Variants in PHC3 observed in about 807,000 individuals in gnomAD.
The protein encoded by PHC3 is polyhomeotic-like protein 3.
PHC3 carries 13 observed loss-of-function variants against 107.4 expected under a neutral mutation model. That is an observed-to-expected ratio of 0.12 (90% CI 0.08 to 0.19). The LOEUF (loss-of-function observed/expected upper bound fraction) is 0.19, where lower values mean the gene tolerates loss of function less well. Ranked by LOEUF, PHC3 falls within the 10% of genes least tolerant of loss-of-function variation. PHC3 has a pLI of 1.00. For missense variants in PHC3, 992 were observed against 1,210.9 expected, an observed-to-expected ratio of 0.82 and a Z score of 2.68; for synonymous variants, 456 against 427.4, an observed-to-expected ratio of 1.07 and a Z score of -0.83.
At chr3:170,124,161 T>A (rs1720895386) in intron 8 of PHC3, among the ~76,000 whole-genome samples, 1 of 151,930 alleles carries the variant, frequency 6.6e-6, no homozygotes, top group African/African-American at 2.4e-5. Flanking sequence ...ACCTTATTAT[T>A]AATGTTTCCA....
In PHC3 at chr3:170,135,111, C is replaced by T. The variant is rs117240506; in HGVS notation, c.919+1308G>A. ...AAAGGACAGAAAAAAGATGCTTACC[C>T]GATGAGGTTGCTGGAACAAAGGAAG... On this transcript the variant is annotated intron_variant, in intron 7 of 14. Transcript: ENST00000495893. 4.0e-3 allele frequency among the ~76,000 whole-genome samples: 602 copies of T among 152,202 alleles called. 21 individuals are homozygous for T. In the East Asian group the frequency reaches 0.098, roughly 25 times the overall value.
chr3:170,099,268 T>C (rs188488135), intron 14 of PHC3, among the ~76,000 whole-genome samples: 20 of 152,182 alleles, frequency 1.3e-4, no homozygotes, highest in African/African-American at 3.1e-4. Context: ...CAAAATAATA[T>C]AGAACAAAAA....
At chr3:170,150,521 C>A (rs1725731496) in intron 4 of PHC3, 1 of 114,454 alleles carries the variant, frequency 8.7e-6, no homozygotes, top group Non-Finnish European at 1.7e-5. Context: ...TGGTGAAACC[C>A]TGTCTCTACT....
At chr3:170,176,016 A>G (rs190987962) in intron 2 of PHC3, among the ~76,000 whole-genome samples, 1 of 152,036 alleles carries the variant, frequency 6.6e-6, no homozygotes, top group East Asian at 1.9e-4. Flanking sequence ...TCACAAGGTC[A>G]GGAGTTTGAG....
At chr3:170,130,229 T>G (rs1321765877) in intron 7 of PHC3, among the ~76,000 whole-genome samples, 2 of 152,166 alleles carry the variant, frequency 1.3e-5, no homozygotes, top group African/African-American at 4.8e-5. Flanking sequence ...ATAGAACAAG[T>G]ATAACATATA....
intron 4 of PHC3, among the ~76,000 whole-genome samples, chr3:170,166,141 T>C (rs562361109): frequency 6.6e-6 from 1 of 151,974 alleles, no homozygotes; most frequent in African/African-American, 2.4e-5. Context: ...GCCTCCTGGG[T>C]TCAAGTGATT....
At chr3:170,138,498 T>C (rs1160120938) in intron 6 of PHC3, among the ~76,000 whole-genome samples, 1 of 152,054 alleles carries the variant, frequency 6.6e-6, no homozygotes, top group African/African-American at 2.4e-5. Context: ...GAGAGCAGCC[T>C]GGCCTATTTG....
At chr3:170,145,624 A>G (rs1413601139) in intron 5 of PHC3, 103 bp from the exon 6 acceptor site, 6 of 709,904 alleles carry the variant, frequency 8.5e-6, no homozygotes, top group Non-Finnish European at 1.4e-5. Context: ...CAGAAAGACA[A>G]TGCAGTTTAG....
rs371840050 is a variant in PHC3, at chr3:170,153,762, C to CAAA, written c.415-4521_415-4519dup. Among the ~76,000 whole-genome samples, 132 of 108,734 alleles carry CAAA rather than the reference C, an allele frequency of 1.2e-3. 1 individual carries two copies. The highest frequency in any genetic ancestry group is 4.0e-3 in the African/African-American group (110 of 27,506). 71.3% of individuals were successfully genotyped at this position (108,734 alleles called of 152,430 possible). On this transcript the variant is annotated intron_variant, in intron 4 of 14. Transcript: ENST00000495893. ...TGGGTGACAGAGAGAGACTCCGTCT[C>CAAA]AAAAAAAAAAAAAAAAGAATCTTCT...
chr3:170,176,963 T>TA (rs530647711), intron 2 of PHC3: 86 of 449,822 alleles, frequency 1.9e-4, no homozygotes, highest in South Asian at 1.4e-3. Flanking sequence ...CAAAGTATAA[T>TA]AGAGTGGAAG....
chr3:170,112,970 C>T (rs926792663), intron 11 of PHC3, among the ~76,000 whole-genome samples: 2 of 152,026 alleles, frequency 1.3e-5, no homozygotes, highest in African/African-American at 2.4e-5. Flanking sequence ...AAGTCTGAAA[C>T]GAAACAACCC....
chr3:170,120,879 A>G (rs1195287556), intron 9 of PHC3, among the ~76,000 whole-genome samples: 1 of 152,148 alleles, frequency 6.6e-6, no homozygotes, highest in South Asian at 2.1e-4. Context: ...CATGAGGGCA[A>G]TAAGATATTC....
intron 7 of PHC3, among the ~76,000 whole-genome samples, chr3:170,132,004 A>T (rs1722331298): frequency 6.6e-6 from 1 of 152,198 alleles, no homozygotes; most frequent in Non-Finnish European, 1.5e-5. Flanking sequence ...AGACCAATTG[A>T]TAAGCACATA....
chr3:170,172,761 T>C (rs1243285562), intron 2 of PHC3, 49 bp from the exon 3 acceptor site: 2 of 1,541,266 alleles, frequency 1.3e-6, no homozygotes, highest in African/African-American at 1.4e-5. Flanking sequence ...TCAACCTTTA[T>C]CTTAATCAGA....
At chr3:170,129,689 A>C in intron 7 of PHC3, 137 bp from the exon 8 acceptor site, 1 of 991,414 alleles carries the variant, frequency 1.0e-6, no homozygotes, top group South Asian at 1.8e-5. Flanking sequence ...AACAAGAGTA[A>C]TTTGAAAAAA....
intron 9 of PHC3, among the ~76,000 whole-genome samples, chr3:170,119,830 T>TAA (rs577407226): frequency 0.015 from 2,111 of 144,502 alleles, 41 homozygotes; most frequent in African/African-American, 0.046. Context: ...TGAGTTACTG[T>TAA]AAAAAAAAAA....
At position 170,129,520 on chromosome 3, in the gene PHC3, T is replaced by C. The variant is rs1359508099; in HGVS notation, c.952A>G (p.Ile318Val). 3 of 1,613,626 alleles carry C rather than the reference T, an allele frequency of 1.9e-6. No homozygotes were observed. Among genetic ancestry groups the C allele is most frequent in the Middle Eastern group, 1.6e-4 (1 of 6,082 alleles). Residue 318 changes from isoleucine (I) to valine (V), a missense_variant, in exon 8 of 15, where the codon ATA becomes GTA. By Grantham distance (29) the Ile-to-Val change is conservative. This residue lies in a region of PHC3 where 543 missense variants were observed against 590.8 expected (regional missense o/e 0.92). Transcript: ENST00000495893. The stretch of plus-strand genomic sequence containing the variant: ...TGAAGAGGAATCTGCTGATGTTTTA[T>C]TAGAGAATGAGGCTGAATTGGAGAA... ...SYSPIQPHSL[I>V]KHQQIPLHSP...
chr3:170,122,464 G>A, intron 9 of PHC3, 127 bp downstream of exon 9: 5 of 938,220 alleles, frequency 5.3e-6, no homozygotes, highest in Non-Finnish European at 6.5e-6. Context: ...TCAGCCAGCT[G>A]TAATGGTGTG....
At chr3:170,130,478 T>C (rs1722072009) in intron 7 of PHC3, among the ~76,000 whole-genome samples, 1 of 152,206 alleles carries the variant, frequency 6.6e-6, no homozygotes, top group South Asian at 2.1e-4. Flanking sequence ...GTGAATCCTG[T>C]AGCACAGTTA....
Sources: gnomAD v4.1 joint callset for allele counts (sites outside exome capture counted in the v4.1 genomes callset) on GRCh38, gnomAD v4.1.1 for gene constraint, gnomAD v4.1.1 regional missense constraint, MANE v1.5 for transcripts, NCBI Gene and HGNC (gene_info 2026-07-23, HGNC 2026-07-21) for gene names.